The following ELN variants were observed in gnomAD, a reference collection of about 807,000 sequenced individuals.
ELN encodes tropoelastin.
Under a neutral mutation model 105.8 loss-of-function variants are expected in ELN, and 65 were observed. The ratio of observed to expected loss-of-function variants is 0.61; its 90% CI spans 0.50 to 0.75. The LOEUF (loss-of-function observed/expected upper bound fraction) is 0.75, where lower values mean the gene tolerates loss of function less well. Ranked by LOEUF, ELN falls within the 30% of genes least tolerant of loss-of-function variation. The pLI is 0.00. For synonymous variants in ELN, 368 were observed against 389.2 expected (o/e 0.95, Z 0.64); for missense variants, 882 against 969.4 (o/e 0.91, Z 1.20).
chr7:74,064,426 ATAT>A (rs1797503134), intron 29 of ELN, among the ~76,000 whole-genome samples: 2 of 137,202 alleles, frequency 1.5e-5, no homozygotes, highest in African/African-American at 5.5e-5. Context: ...AAAAAAAAAT[ATAT>A]ATATATATAT....
intron 15 of ELN, among the ~76,000 whole-genome samples, chr7:74,051,064 C>T (rs1793919476): frequency 1.3e-5 from 2 of 152,224 alleles, no homozygotes; most frequent in Non-Finnish European, 2.9e-5. Flanking sequence ...GCAGATGGAA[C>T]GTGGTATTCC....
intron 8 of ELN, chr7:74,043,524 T>C: frequency 1.5e-6 from 1 of 675,718 alleles, no homozygotes; most frequent in Non-Finnish European, 2.7e-6. Context: ...CCCCATCTGG[T>C]ACTCGTTCTG....
At chr7:74,042,809 G>T in intron 6 of ELN, 103 bp downstream of exon 6, 1 of 1,538,884 alleles carries the variant, frequency 6.5e-7, no homozygotes. Flanking sequence ...AGCCGGGTGG[G>T]TGGGATTGTC....
At chr7:74,068,237 T>G (rs1798407106) in intron 32 of ELN, among the ~76,000 whole-genome samples, 1 of 152,204 alleles carries the variant, frequency 6.6e-6, no homozygotes, top group African/African-American at 2.4e-5. Flanking sequence ...ACTTATCTGA[T>G]GCCCTCTCAG....
Position 74,056,689 on chromosome 7 carries a change from G to A in ELN, c.1333G>A (p.Ala445Thr). 6.2e-7 allele frequency: 1 copy of A among 1,613,852 alleles called. No individual in the cohort carries two copies. The highest frequency in any genetic ancestry group is 8.5e-7 in the Non-Finnish European group (1 of 1,180,034). Residue 445 changes from alanine to threonine, a missense_variant, in exon 21 of 33, where the codon GCT becomes ACT. By Grantham distance (58) the Ala-to-Thr change is moderately conservative (BLOSUM62 0). Transcript: ENST00000252034. ...VGISPEAQAA[A>T]AAKAAKYGVG... ...CCTTGTAGCCGAAGCTCAGGCAGCAGCTGCCGCCAAGGCTGCCAAGTACGG... is the reference window on the plus strand; with the variant it reads ...CCTTGTAGCCGAAGCTCAGGCAGCAACTGCCGCCAAGGCTGCCAAGTACGG...
rs1261981678 is a variant in ELN at position 74,028,283 on chromosome 7, G to A, written c.82+14G>A. The A allele has an allele frequency of 1.4e-5, 23 of 1,602,384 alleles. No homozygotes were observed. Among genetic ancestry groups the A allele is most frequent in the Admixed American group, 6.7e-5 (4 of 59,480 alleles). On this transcript the variant is annotated intron_variant, in intron 1 of 32. Transcript: ENST00000252034. ...CTCGGCCTGGAGGTAAGGACCCCTC[G>A]CCCCTGTCCCCAGCGCTGCCCACAG... is the stretch of plus-strand genomic sequence containing the variant.
At position 74,057,655 on chromosome 7, in the gene ELN, C is replaced by G. The variant is rs149117932; in HGVS notation, c.1373C>G (p.Ala458Gly). 3.1e-6 allele frequency: 5 copies of G among 1,613,926 alleles called. No individual in the cohort carries two copies. Among genetic ancestry groups the G allele is most frequent in the Non-Finnish European group, 4.2e-6 (5 of 1,180,016 alleles). The change falls in exon 22 of 33, where the codon GCA becomes GGA. Residue 458 changes from alanine to glycine, a missense_variant. Transcript: ENST00000252034. ...ACACCTCCAGGAGTGGGGACCCCAG[C>G]AGCTGCAGCTGCTAAAGCAGCCGCC... is the stretch of plus-strand genomic sequence containing the variant. Reference protein sequence around the residue: ...KAAKYGVGTPAAAAAKAAAKA... With the variant: ...KAAKYGVGTPGAAAAKAAAKA...
intron 1 of ELN, among the ~76,000 whole-genome samples, chr7:74,034,931 T>C (rs1563758785): frequency 6.6e-6 from 1 of 151,970 alleles, no homozygotes; most frequent in Non-Finnish European, 1.5e-5. Context: ...TGAAACCCTG[T>C]CTCCACTAAA....
chr7:74,065,528 C>T (rs181448368), intron 29 of ELN, among the ~76,000 whole-genome samples, 166 bp from the exon 30 acceptor site: 4 of 151,366 alleles, frequency 2.6e-5, no homozygotes, highest in East Asian at 3.9e-4. Context: ...GCAGGAGAAC[C>T]GCTTGAACCC....
chr7:74,046,000 A>G (rs1280308486), intron 10 of ELN, 188 bp from the exon 11 acceptor site: 4 of 739,544 alleles, frequency 5.4e-6, no homozygotes, highest in Non-Finnish European at 8.9e-6. Flanking sequence ...ACCCCATTCC[A>G]CCCCAGCCTG....
In ELN at chr7:74,047,660, C is replaced by G; in HGVS notation, c.644-15C>G. 2.5e-6 allele frequency: 4 copies of G among 1,614,190 alleles called. No individual in the cohort carries two copies. In the Middle Eastern group the frequency reaches 4.9e-4, roughly 200 times the overall value. ...GCATGGGGCAGCCCCTGAGTTTGCT[C>G]TGTCCTCTCTCCAGGTGGCTATGGA... On this transcript the variant is annotated splice_polypyrimidine_tract_variant and intron_variant, in intron 12 of 32. Coordinates refer to ENST00000252034, the MANE Select transcript of ELN (RefSeq NM_000501.4).
intron 32 of ELN, among the ~76,000 whole-genome samples, chr7:74,067,559 T>A (rs113017693): frequency 0.12 from 17,522 of 151,532 alleles, 1,008 homozygotes; most frequent in African/African-American, 0.13. Flanking sequence ...AGCCACCACG[T>A]CCGGCCGTCT....
At position 74,053,220 on chromosome 7, in the gene ELN, T is replaced by G; in HGVS notation, c.1007T>G (p.Val336Gly). The stretch of plus-strand genomic sequence containing the variant: ...GGCTTTGGCCCGGGAGTAGTTGGTG[T>G]CCCAGGAGCTGGCGTTCCAGGTGTT... ...GPGFGPGVVGVPGAGVPGVGV... is the reference protein window; with the variant it reads ...GPGFGPGVVGGPGAGVPGVGV... The change falls in exon 18 of 33, where the codon GTC (valine) becomes GGC (glycine). Residue 336 changes from valine to glycine, a missense_variant. Transcript: ENST00000252034. 6.2e-7 allele frequency: 1 copy of G among 1,614,124 alleles called. No individual in the cohort carries two copies. The highest frequency in any genetic ancestry group is 8.5e-7 in the Non-Finnish European group (1 of 1,180,016).
In ELN at chr7:74,065,908, G is replaced by A. The variant is rs558377916; in HGVS notation, c.2033-36G>A. On this transcript the variant is annotated intron_variant, in intron 30 of 32. Coordinates refer to ENST00000252034, the MANE Select transcript of ELN (RefSeq NM_000501.4). ...GGATATCAGGGCCTCTTCCCGATGG[G>A]GGTGTCTTATCCTGACCCCACCTGC... The A allele has an allele frequency of 4.3e-5, 70 of 1,614,046 alleles. No homozygotes were observed. The East Asian group carries it at 1.5e-3, about 35-fold the overall frequency.
At chr7:74,037,782 C>T in intron 4 of ELN, 43 bp downstream of exon 4, 1 of 1,603,220 alleles carries the variant, frequency 6.2e-7, no homozygotes, top group Non-Finnish European at 8.5e-7. Flanking sequence ...AGCGAGGGAG[C>T]TGGGGAGGGA....
chr7:74,060,227 C>T (rs1796334823), intron 24 of ELN, 43 bp downstream of exon 24: 1 of 1,614,094 alleles, frequency 6.2e-7, no homozygotes, highest in Non-Finnish European at 8.5e-7. Flanking sequence ...CCAACGATCT[C>T]AGAGCTGGTT....
At position 74,053,234 on chromosome 7, in the gene ELN, G is replaced by A. The variant is rs190758549; in HGVS notation, c.1021G>A (p.Val341Ile). 2.5e-5 allele frequency: 41 copies of A among 1,614,072 alleles called. No individual in the cohort carries two copies. Among genetic ancestry groups the A allele is most frequent in the African/African-American group, 5.3e-5 (4 of 75,010 alleles). ...PGVVGVPGAG[V>I]PGVGVPGAGI... ...AGTAGTTGGTGTCCCAGGAGCTGGC[G>A]TTCCAGGTGTTGGTGTCCCAGGAGC... The change falls in exon 18 of 33, where the codon GTT (valine) becomes ATT (isoleucine). Residue 341 changes from valine to isoleucine, a missense_variant. Physicochemically the swap from Val to Ile is conservative, Grantham distance 29. Coordinates refer to ENST00000252034, the MANE Select transcript of ELN (RefSeq NM_000501.4).
At chr7:74,058,119 ATTC>A (rs368580819) in intron 22 of ELN, among the ~76,000 whole-genome samples, 19 of 108,132 alleles carry the variant, frequency 1.8e-4, no homozygotes, top group South Asian at 1.7e-3. Context: ...CCTCCTTCTC[ATTC>A]TTCTTCTTCT....
chr7:74,042,252 A>G (rs1554668912), intron 5 of ELN, among the ~76,000 whole-genome samples: 1 of 138,184 alleles, frequency 7.2e-6, no homozygotes, highest in African/African-American at 2.7e-5. Flanking sequence ...AAATCTTGTC[A>G]CTACAAAAAA....
Sources: gnomAD v4.1 joint callset for allele counts (sites outside exome capture counted in the v4.1 genomes callset) on GRCh38, gnomAD v4.1.1 for gene constraint, MANE v1.5 for transcripts, NCBI Gene and HGNC (gene_info 2026-07-23, HGNC 2026-07-21) for gene names.